Variants in FABP7 observed in about 807,000 individuals in gnomAD.
FABP7 encodes the protein fatty acid-binding protein, brain.
Under a neutral mutation model 14.2 loss-of-function variants are expected in FABP7, and 13 were observed. That is an observed-to-expected ratio of 0.91 (90% CI 0.59 to 1.45). FABP7 has a LOEUF of 1.45. FABP7 is among the 40% of genes most tolerant of loss of function. The pLI is 0.00. For missense variants in FABP7, 149 were observed against 157.6 expected (o/e 0.95, Z 0.29); for synonymous variants, 49 against 51.4 (o/e 0.95, Z 0.20).
the FABP7 span, among the ~76,000 whole-genome samples, chr6:122,756,655 T>A: frequency 6.6e-6 from 1 of 152,214 alleles, no homozygotes; most frequent in African/African-American, 2.4e-5. Flanking sequence ...AAAGGACTTG[T>A]CGATAATACA....
the FABP7 span, among the ~76,000 whole-genome samples, chr6:122,771,561 A>G: frequency 1.1e-4 from 17 of 152,170 alleles, no homozygotes; most frequent in Non-Finnish European, 2.1e-4. Flanking sequence ...TACCATGCAT[A>G]CTCATTGGCA....
At chr6:122,760,992 T>C in the FABP7 span, among the ~76,000 whole-genome samples, 1 of 152,192 alleles carries the variant, frequency 6.6e-6, no homozygotes, top group Non-Finnish European at 1.5e-5. Context: ...GACTTCCAGG[T>C]TAAAGTTAGC....
chr6:122,782,719 G>A (rs1055529964), intron 3 of FABP7: 18 of 985,208 alleles, frequency 1.8e-5, no homozygotes, highest in South Asian at 4.7e-5. Context: ...TTAAGAATGG[G>A]GACTCATGTT....
the FABP7 span, among the ~76,000 whole-genome samples, chr6:122,751,666 GAACTC>G: frequency 3.9e-5 from 6 of 152,198 alleles, no homozygotes; most frequent in African/African-American, 1.4e-4. Flanking sequence ...CTATGCTGCA[GAACTC>G]AACAAAGCTT....
intron 3 of FABP7, chr6:122,782,887 A>G: frequency 1.0e-6 from 1 of 985,368 alleles, no homozygotes; most frequent in Non-Finnish European, 1.2e-6. Context: ...GAAAGGACTC[A>G]TTTCTAAAAG....
chr6:122,769,658 G>A, the FABP7 span, among the ~76,000 whole-genome samples: 1,873 of 152,130 alleles, frequency 0.012, 37 homozygotes, highest in African/African-American at 0.043. Context: ...CAAAAGGATA[G>A]AAAATTAATA....
chr6:122,753,813 T>C, the FABP7 span, among the ~76,000 whole-genome samples: 4 of 87,886 alleles, frequency 4.6e-5, no homozygotes, highest in Admixed American at 3.6e-4. Flanking sequence ...AAGTTTTCCA[T>C]TGGCCACTTC....
chr6:122,779,988 T>G (rs1381443632), intron 1 of FABP7, 121 bp downstream of exon 1: 1 of 936,340 alleles, frequency 1.1e-6, no homozygotes, highest in Non-Finnish European at 1.7e-6. Flanking sequence ...CCTGATCAGA[T>G]GCTAGGCTAT....
At chr6:122,779,293 G>T (rs116881654), upstream of FABP7, among the ~76,000 whole-genome samples, 1,278 of 152,236 alleles carry the variant, frequency 8.4e-3, 6 homozygotes, top group Non-Finnish European at 0.014. Context: ...TTCTTTAAGG[G>T]GGGTCCTCAT....
intron 3 of FABP7, chr6:122,782,801 G>C: frequency 1.0e-6 from 1 of 985,376 alleles, no homozygotes; most frequent in Non-Finnish European, 1.2e-6. Flanking sequence ...GGAGATGGAG[G>C]TGGGGAGCAG....
At chr6:122,782,324 T>G in intron 3 of FABP7, 1 of 582,016 alleles carries the variant, frequency 1.7e-6, no homozygotes, top group Non-Finnish European at 2.2e-6. Flanking sequence ...GCGACCCTAG[T>G]GTTGCCATCC....
chr6:122,773,829 A>T, the FABP7 span, among the ~76,000 whole-genome samples: 2 of 152,272 alleles, frequency 1.3e-5, no homozygotes, highest in East Asian at 3.9e-4. Context: ...TCATGTGAAG[A>T]TTCTGCCAGG....
the FABP7 span, among the ~76,000 whole-genome samples, chr6:122,762,657 A>G: frequency 6.7e-6 from 1 of 149,668 alleles, no homozygotes; most frequent in Admixed American, 6.6e-5. Context: ...GTCTCAGCCC[A>G]AAATCTCCTT....
At chr6:122,759,440 CT>C in the FABP7 span, among the ~76,000 whole-genome samples, 1 of 152,134 alleles carries the variant, frequency 6.6e-6, no homozygotes, top group African/African-American at 2.4e-5. Flanking sequence ...TATTTTTCTC[CT>C]TTTGATGCAT....
At chr6:122,771,106 G>A in the FABP7 span, among the ~76,000 whole-genome samples, 2 of 152,272 alleles carry the variant, frequency 1.3e-5, no homozygotes, top group East Asian at 3.9e-4. Flanking sequence ...TCATTTCTAG[G>A]CAACAACTAG....
chr6:122,769,834 TA>T, the FABP7 span, among the ~76,000 whole-genome samples: 2 of 152,236 alleles, frequency 1.3e-5, no homozygotes, highest in South Asian at 4.1e-4. Context: ...TCTGGTCAGT[TA>T]AAAAAGTTGC....
chr6:122,753,144 G>C, the FABP7 span, among the ~76,000 whole-genome samples: 1 of 152,164 alleles, frequency 6.6e-6, no homozygotes, highest in African/African-American at 2.4e-5. Context: ...AACAAGATCT[G>C]TCTCCCAGCA....
the FABP7 span, among the ~76,000 whole-genome samples, chr6:122,766,024 A>G: frequency 1.7e-4 from 26 of 152,104 alleles, no homozygotes; most frequent in African/African-American, 6.3e-4. Context: ...AAATTTTGTT[A>G]CAAACAACAG....
At position 122,783,918 on chromosome 6, in the gene FABP7, A is replaced by G; in HGVS notation, c.*151A>G. 1.8e-6 allele frequency: 1 copy of G among 557,104 alleles called. No homozygotes were observed. Among genetic ancestry groups the G allele is most frequent in the Non-Finnish European group, 3.1e-6 (1 of 326,256 alleles). 34.5% of individuals were successfully genotyped at this position (557,104 alleles called of 1,614,324 possible). ...TGGTGATTTAAAAACTTGTTACTCC[A>G]AGCAACTTGCCCAATTTTAATCTGA... is the stretch of plus-strand genomic sequence containing the variant. On this transcript the variant is annotated 3_prime_UTR_variant, in exon 4 of 4. Transcript: ENST00000368444.
Sources: gnomAD v4.1 joint callset for allele counts (sites outside exome capture counted in the v4.1 genomes callset) on GRCh38, gnomAD v4.1.1 for gene constraint, MANE v1.5 for transcripts, NCBI Gene and HGNC (gene_info 2026-07-23, HGNC 2026-07-21) for gene names.